The following HCRTR2 variants were observed in gnomAD, a reference collection of about 807,000 sequenced individuals.
The protein encoded by HCRTR2 is orexin receptor type 2.
HCRTR2 carries 22 observed loss-of-function variants against 49.0 expected under a neutral mutation model. That is an observed-to-expected ratio of 0.45 (90% CI 0.32 to 0.64). HCRTR2 has a LOEUF of 0.64. HCRTR2 is among the 30% of genes least tolerant of loss of function. HCRTR2 has a pLI of 0.04. For synonymous variants in HCRTR2, 236 were observed against 205.3 expected (o/e 1.15, Z -1.28); for missense variants, 491 against 559.4 (o/e 0.88, Z 1.23).
intron 1 of HCRTR2, among the ~76,000 whole-genome samples, chr6:55,214,377 A>C (rs1765749599): frequency 6.6e-6 from 1 of 152,152 alleles, no homozygotes; most frequent in Admixed American, 6.5e-5. Context: ...TGTCACCCAG[A>C]CTTGAGTGCA....
chr6:55,210,052 T>C (rs959459320), intron 1 of HCRTR2, among the ~76,000 whole-genome samples: 1 of 152,266 alleles, frequency 6.6e-6, no homozygotes, highest in South Asian at 2.1e-4. Context: ...AACTACCTCA[T>C]TCAAAGGGAC....
intron 1 of HCRTR2, among the ~76,000 whole-genome samples, chr6:55,245,486 T>C (rs908159651): frequency 3.8e-5 from 5 of 131,150 alleles, no homozygotes; most frequent in Non-Finnish European, 8.1e-5. Context: ...TATATATATA[T>C]ATATATATAT....
intron 1 of HCRTR2, among the ~76,000 whole-genome samples, chr6:55,148,310 G>C (rs1030193615): frequency 6.6e-6 from 1 of 151,984 alleles, no homozygotes; most frequent in Admixed American, 6.6e-5. Context: ...TCTTTTAAAA[G>C]TAAATGATGA....
chr6:55,126,314 C>G (rs927638395), intron 1 of HCRTR2, among the ~76,000 whole-genome samples: 14 of 152,108 alleles, frequency 9.2e-5, no homozygotes, highest in Admixed American at 9.2e-4. Context: ...AGTGAGCCTG[C>G]TATTCCTTTC....
At chr6:55,220,594 A>T (rs555427203) in intron 1 of HCRTR2, among the ~76,000 whole-genome samples, 2 of 152,320 alleles carry the variant, frequency 1.3e-5, no homozygotes, top group South Asian at 2.1e-4. Context: ...AAGCTAACAG[A>T]TAACATCATA....
At chr6:55,217,232 T>A (rs891387324) in intron 1 of HCRTR2, among the ~76,000 whole-genome samples, 1 of 152,130 alleles carries the variant, frequency 6.6e-6, no homozygotes, top group Non-Finnish European at 1.5e-5. Context: ...TGCAAAATAC[T>A]TTTCAAACAT....
Position 55,280,331 on chromosome 6 carries a change from G to A in HCRTR2, c.992G>A (p.Gly331Glu). Residue 331 changes from glycine to glutamate, a missense_variant, in exon 6 of 7, where the codon GGG (glycine) becomes GAG (glutamate). Physicochemically the swap from Gly to Glu is moderately conservative, Grantham distance 98 (BLOSUM62 -2). Transcript: ENST00000370862. ...SILNVLKRVF[G>E]MFAHTEDRET... is the part of the protein sequence containing the mutation. ...TGTTTCTTTTCCTGCAGAGTATTTG[G>A]GATGTTTGCCCATACTGAAGACAGA... 1.3e-6 allele frequency: 2 copies of A among 1,598,772 alleles called. No homozygotes were observed. The highest frequency in any genetic ancestry group is 1.1e-5 in the South Asian group (1 of 90,766).
chr6:55,191,504 G>A (rs908534599), intron 1 of HCRTR2, among the ~76,000 whole-genome samples: 1 of 152,026 alleles, frequency 6.6e-6, no homozygotes, highest in Non-Finnish European at 1.5e-5. Flanking sequence ...AGAATTGAAG[G>A]GTTGTTATAA....
At chr6:55,167,343 T>C (rs1218586595) in intron 1 of HCRTR2, among the ~76,000 whole-genome samples, 4 of 152,140 alleles carry the variant, frequency 2.6e-5, no homozygotes, top group African/African-American at 7.2e-5. Context: ...ACCATAACTA[T>C]ATGGAGTTCA....
intron 4 of HCRTR2, among the ~76,000 whole-genome samples, chr6:55,267,651 G>A (rs1581867551): frequency 6.6e-6 from 1 of 152,082 alleles, no homozygotes; most frequent in East Asian, 1.9e-4. Flanking sequence ...TACTGAGGAT[G>A]GACTGTAATA....
intron 1 of HCRTR2, among the ~76,000 whole-genome samples, chr6:55,152,503 G>A (rs964365320): frequency 2.0e-5 from 3 of 151,716 alleles, no homozygotes; most frequent in African/African-American, 4.8e-5. Flanking sequence ...TCTGATATAC[G>A]GTGCCTTAGT....
At chr6:55,188,547 T>C (rs1220522000) in intron 1 of HCRTR2, among the ~76,000 whole-genome samples, 1 of 152,080 alleles carries the variant, frequency 6.6e-6, no homozygotes, top group Non-Finnish European at 1.5e-5. Flanking sequence ...CACAGAAAAA[T>C]AAAGCATCCT....
chr6:55,268,109 T>G lies in HCRTR2; in HGVS notation c.762+4287T>G, dbSNP rs144460694. On this transcript the variant is annotated intron_variant, in intron 4 of 6. Transcript: ENST00000370862. ...CAAATTTGTTTTATACTATTGAAAT[T>G]ACATTGGCATAATCTAAGCAGCTTG... is the stretch of plus-strand genomic sequence containing the variant. 1.5e-3 allele frequency among the ~76,000 whole-genome samples: 223 copies of G among 152,258 alleles called. 5 individuals are homozygous for G. In the East Asian group the frequency reaches 0.037, roughly 25 times the overall value.
At chr6:55,252,316 C>A (rs1262636444) in intron 2 of HCRTR2, among the ~76,000 whole-genome samples, 1 of 152,060 alleles carries the variant, frequency 6.6e-6, no homozygotes, top group Non-Finnish European at 1.5e-5. Flanking sequence ...TTATTATGAC[C>A]TAATGGCATT....
intron 1 of HCRTR2, among the ~76,000 whole-genome samples, chr6:55,135,999 G>C (rs986260637): frequency 6.6e-6 from 1 of 152,126 alleles, no homozygotes; most frequent in Non-Finnish European, 1.5e-5. Context: ...TTGCATGCCT[G>C]CTTCCCTTCT....
intron 1 of HCRTR2, among the ~76,000 whole-genome samples, chr6:55,219,400 C>A (rs1299615836): frequency 6.6e-6 from 1 of 152,112 alleles, no homozygotes; most frequent in African/African-American, 2.4e-5. Context: ...AGGAAACTGG[C>A]AATTTCACCA....
chr6:55,223,692 C>T (rs192832878), intron 1 of HCRTR2, among the ~76,000 whole-genome samples: 72 of 151,820 alleles, frequency 4.7e-4, no homozygotes, highest in Admixed American at 2.0e-3. Flanking sequence ...CTCTATATGG[C>T]GGGCTATCAC....
At chr6:55,224,881 G>A (rs893546576) in intron 1 of HCRTR2, among the ~76,000 whole-genome samples, 1 of 151,934 alleles carries the variant, frequency 6.6e-6, no homozygotes, top group Non-Finnish European at 1.5e-5. Flanking sequence ...TTGGGGAAAC[G>A]GTCAAAGAAT....
At chr6:55,129,668 A>G (rs944117496) in intron 1 of HCRTR2, among the ~76,000 whole-genome samples, 3 of 151,834 alleles carry the variant, frequency 2.0e-5, no homozygotes, top group African/African-American at 7.3e-5. Flanking sequence ...TTCCACTAGC[A>G]TCTAGTCTGG....
Sources: gnomAD v4.1 joint callset for allele counts (sites outside exome capture counted in the v4.1 genomes callset) on GRCh38, gnomAD v4.1.1 for gene constraint, MANE v1.5 for transcripts, NCBI Gene and HGNC (gene_info 2026-07-23, HGNC 2026-07-21) for gene names.